CCND2: variants seen among roughly 807,000 people sequenced by gnomAD.
CCND2 encodes G1/S-specific cyclin-D2.
Under a neutral mutation model 30.2 loss-of-function variants are expected in CCND2, and 6 were observed. The ratio of observed to expected loss-of-function variants is 0.20; its 90% confidence interval spans 0.11 to 0.39. The LOEUF (loss-of-function observed/expected upper bound fraction) is 0.39. Ranked by LOEUF, CCND2 falls within the 10% of genes least tolerant of loss-of-function variation. CCND2 has a pLI of 1.00. For synonymous variants in CCND2, 150 were observed against 153.1 expected (o/e 0.98, Z 0.15); for missense variants, 235 against 373.4 (o/e 0.63, Z 3.06).
Position 4,276,870 on chromosome 12 carries a change from C to G in CCND2, c.411+650C>G, listed in dbSNP as rs189829405. Among the ~76,000 whole-genome samples the G allele has an allele frequency of 2.6e-5, 4 of 152,366 alleles. No individual in the cohort carries two copies. The highest frequency in any genetic ancestry group is 2.6e-4 in the Admixed American group (4 of 15,310). On this transcript the variant is annotated intron_variant, in intron 2 of 4. Transcript: ENST00000261254. This position sits in a 1 kb window ranked among gnomAD's most constrained non-coding sequence, Gnocchi z 4.8. ...CCAGGGAACCTTTTTCCCACCTGAT[C>G]TAACTCCTTTTCCCTGCAGCTTGAC...
At chr12:4,289,485 C>G in intron 4 of CCND2, among the ~76,000 whole-genome samples, 1 of 152,144 alleles carries the variant, frequency 6.6e-6, no homozygotes, top group East Asian at 1.9e-4. Context: ...CTCGACCCCT[C>G]CCCGCTCTCT....
In CCND2 at chr12:4,274,317, A is replaced by T; in HGVS notation, c.195+82A>T. Reference sequence around the variant, plus strand: ...CCGGCCGGAGCCCTAAACCTGGGAGAGGGCAATCCCCGCGCCGGCCTCCCG... The same window carrying T: ...CCGGCCGGAGCCCTAAACCTGGGAGTGGGCAATCCCCGCGCCGGCCTCCCG... On this transcript the variant is annotated intron_variant, in intron 1 of 4. Transcript: ENST00000261254. This position sits in a 1 kb window ranked among gnomAD's most constrained non-coding sequence, Gnocchi z 7.7. The T allele has an allele frequency of 1.4e-6, 2 of 1,456,162 alleles. No individual in the cohort carries two copies. The highest frequency in any genetic ancestry group is 9.4e-7 in the Non-Finnish European group (1 of 1,060,346). 90.2% of individuals were successfully genotyped at this position (1,456,162 alleles called of 1,614,324 possible).
rs370634757 is a variant in CCND2 at position 4,302,096 on chromosome 12, T to G, written c.*2087T>G. The G allele has an allele frequency of 4.3e-6, 1 of 233,148 alleles. No homozygotes were observed. The highest frequency in any genetic ancestry group is 8.5e-6 in the Non-Finnish European group (1 of 117,838). 14.4% of individuals were successfully genotyped at this position (233,148 alleles called of 1,614,324 possible). On this transcript the variant is annotated 3_prime_UTR_variant, in exon 5 of 5. Transcript: ENST00000261254. ...GTACAGTTTCTGCTTGGGAGCCCAT[T>G]CGCATGAGGAATACAGAAGCAGTGT...
chr12:4,275,752 G>A (rs1254235980), intron 1 of CCND2, among the ~76,000 whole-genome samples: 1 of 152,046 alleles, frequency 6.6e-6, no homozygotes, highest in Non-Finnish European at 1.5e-5. Context: ...CCGACTCCCC[G>A]TTTTGGAGCT....
intron 4 of CCND2, among the ~76,000 whole-genome samples, chr12:4,289,413 G>T (rs1864066600): frequency 6.6e-6 from 1 of 152,196 alleles, no homozygotes; most frequent in Non-Finnish European, 1.5e-5. Flanking sequence ...CAGCTGCAGT[G>T]GATGGAGCAG....
chr12:4,276,685 C>A lies in CCND2; in HGVS notation c.411+465C>A, dbSNP rs1863878653. On this transcript the variant is annotated intron_variant, in intron 2 of 4. Coordinates refer to ENST00000261254, the MANE Select transcript of CCND2 (RefSeq NM_001759.4). The surrounding 1 kb of genome is among the most constrained non-coding windows in gnomAD (Gnocchi z 4.8). ...CTATATCTACAAAGTCTCAAGATAC[C>A]AACACATAATAGCTGTTCACTAAAT... Among the ~76,000 whole-genome samples, 1 of 152,030 alleles carries A rather than the reference C, an allele frequency of 6.6e-6. No individual in the cohort carries two copies. The highest frequency in any genetic ancestry group is 6.5e-5 in the Admixed American group (1 of 15,278).
chr12:4,277,481 A>G (rs1456140823), intron 2 of CCND2, among the ~76,000 whole-genome samples: 1 of 152,272 alleles, frequency 6.6e-6, no homozygotes, highest in African/African-American at 2.4e-5. Context: ...TTTTCTCATG[A>G]GAGAGCAGGA....
chr12:4,300,036 G>A lies in CCND2; in HGVS notation c.*27G>A. 1 of 1,604,246 alleles carries A rather than the reference G, an allele frequency of 6.2e-7. No individual in the cohort carries two copies. Among genetic ancestry groups the A allele is most frequent in the Non-Finnish European group, 8.5e-7 (1 of 1,173,808 alleles). On this transcript the variant is annotated 3_prime_UTR_variant, in exon 5 of 5. Coordinates refer to ENST00000261254, the MANE Select transcript of CCND2 (RefSeq NM_001759.4). ...GATGCCAGTTGGGCCGAAAGAGAGA[G>A]ACGCGTCCATAATCTGGTCTCTTCT...
At position 4,287,833 on chromosome 12, in the gene CCND2, T is replaced by A. The variant is rs567595155; in HGVS notation, c.572-1009T>A. On this transcript the variant is annotated intron_variant, in intron 3 of 4. Transcript: ENST00000261254. The surrounding 1 kb of genome is among the most constrained non-coding windows in gnomAD (Gnocchi z 4.0). Reference sequence around the variant, plus strand: ...CTCGATGGACCAAGCAGCTGCTGGATCATGGCCACCCAGCCCCTCTGAAGG... The same window carrying A: ...CTCGATGGACCAAGCAGCTGCTGGAACATGGCCACCCAGCCCCTCTGAAGG... Among the ~76,000 whole-genome samples, 5 of 152,318 alleles carry A rather than the reference T, an allele frequency of 3.3e-5. No homozygotes were observed. In the East Asian group the frequency reaches 7.7e-4, roughly 23 times the overall value.
chr12:4,283,451 G>T (rs1427354989), intron 3 of CCND2, among the ~76,000 whole-genome samples: 1 of 152,188 alleles, frequency 6.6e-6, no homozygotes, highest in Admixed American at 6.5e-5. Flanking sequence ...GAAGAGCTCT[G>T]CATCCAGAGT....
In CCND2 at chr12:4,300,649, G is replaced by A. The variant is rs2120595468; in HGVS notation, c.*640G>A. Reference sequence around the variant, plus strand: ...CAGTAGCTGCTACCTAAAAAAAGATGTTTTATTTTGCCAGTTGGACACAGG... The same window carrying A: ...CAGTAGCTGCTACCTAAAAAAAGATATTTTATTTTGCCAGTTGGACACAGG... On this transcript the variant is annotated 3_prime_UTR_variant, in exon 5 of 5. Coordinates refer to ENST00000261254, the MANE Select transcript of CCND2 (RefSeq NM_001759.4). 1 of 233,734 alleles carries A rather than the reference G, an allele frequency of 4.3e-6. No individual in the cohort carries two copies. Among genetic ancestry groups the A allele is most frequent in the East Asian group, 6.0e-5 (1 of 16,582 alleles). The allele number at this position is 233,734 out of a possible 1,614,324, so 14.5% of individuals were successfully genotyped here.
Position 4,301,824 on chromosome 12 carries a change from C to G in CCND2, c.*1815C>G, listed in dbSNP as rs1864253952. On this transcript the variant is annotated 3_prime_UTR_variant, in exon 5 of 5. Transcript: ENST00000261254. ...AATATATTATTTTACTGCTTAAATT[C>G]CAAGTCCTGAAGTAGATGGTTGAGA... 4.4e-6 allele frequency: 1 copy of G among 226,724 alleles called. No individual in the cohort carries two copies. Among genetic ancestry groups the G allele is most frequent in the East Asian group, 6.3e-5 (1 of 15,908 alleles). The allele number at this position is 226,724 out of a possible 1,614,324, so 14.0% of individuals were successfully genotyped here. A position where few individuals can be genotyped will look rare whatever the true frequency, so the allele number is the denominator to read the frequency against.
rs3217883 is a variant in CCND2 at position 4,293,669 on chromosome 12, G to A, written c.720+4679G>A. Among the ~76,000 whole-genome samples, 1,021 of 152,326 alleles carry A rather than the reference G, an allele frequency of 6.7e-3. 15 individuals are homozygous for A. Among genetic ancestry groups the A allele is most frequent in the African/African-American group, 0.023 (958 of 41,568 alleles). On this transcript the variant is annotated intron_variant, in intron 4 of 4. Coordinates refer to ENST00000261254, the MANE Select transcript of CCND2 (RefSeq NM_001759.4). This position sits in a 1 kb window ranked among gnomAD's most constrained non-coding sequence, Gnocchi z 4.9. ...GTTATCAATGAGCTATTAAAAAGCA[G>A]GGAGGTGGAGGCGCCGTGGAAGAAG...
intron 3 of CCND2, among the ~76,000 whole-genome samples, chr12:4,279,805 T>C (rs1863924394): frequency 6.6e-6 from 1 of 151,288 alleles, no homozygotes; most frequent in Non-Finnish European, 1.5e-5. Flanking sequence ...AGTTCATGTT[T>C]TGACAATCAG....
In CCND2 at chr12:4,301,930, T is replaced by G. The variant is rs1864255921; in HGVS notation, c.*1921T>G. 1 of 231,284 alleles carries G rather than the reference T, an allele frequency of 4.3e-6. No individual in the cohort carries two copies. Among genetic ancestry groups the G allele is most frequent in the Non-Finnish European group, 8.6e-6 (1 of 116,930 alleles). The allele number at this position is 231,284 out of a possible 1,614,324, so 14.3% of individuals were successfully genotyped here. Reference sequence around the variant, plus strand: ...TATTCATGGTTGTTTTTTTTTTTCTTTTTTGGTTTTTTGGTTTTTTTTTTT... The same window carrying G: ...TATTCATGGTTGTTTTTTTTTTTCTGTTTTGGTTTTTTGGTTTTTTTTTTT... On this transcript the variant is annotated 3_prime_UTR_variant, in exon 5 of 5. Coordinates refer to ENST00000261254, the MANE Select transcript of CCND2 (RefSeq NM_001759.4).
intron 2 of CCND2, 136 bp from the exon 3 acceptor site, chr12:4,278,624 G>A: frequency 1.4e-6 from 1 of 690,886 alleles, no homozygotes. Context: ...TTGACAAATG[G>A]GCCCGCCTTA....
In CCND2 at chr12:4,293,778, G is replaced by T. The variant is rs1021620809; in HGVS notation, c.720+4788G>T. Among the ~76,000 whole-genome samples the T allele has an allele frequency of 6.6e-6, 1 of 152,142 alleles. No individual in the cohort carries two copies. ...CGTAGCTGGAAGTGCCGCCACCCTC[G>T]CCCCACATGTCATTTTCAAGCCTCC... On this transcript the variant is annotated intron_variant, in intron 4 of 4. Transcript: ENST00000261254. This position sits in a 1 kb window ranked among gnomAD's most constrained non-coding sequence, Gnocchi z 4.9.
In CCND2 at chr12:4,293,011, G is replaced by C. The variant is rs1233268777; in HGVS notation, c.720+4021G>C. Among the ~76,000 whole-genome samples the C allele has an allele frequency of 6.6e-6, 1 of 152,232 alleles. No individual in the cohort carries two copies. Among genetic ancestry groups the C allele is most frequent in the Non-Finnish European group, 1.5e-5 (1 of 68,040 alleles). ...AGAGCCCCTGGCAGAGTCATTGGGA[G>C]TGATGCTTAAGAGAGGAAGGGAAGA... On this transcript the variant is annotated intron_variant, in intron 4 of 4. Transcript: ENST00000261254. This position sits in a 1 kb window ranked among gnomAD's most constrained non-coding sequence, Gnocchi z 4.9.
chr12:4,293,122 CTG>C lies in CCND2; in HGVS notation c.720+4136_720+4137del, dbSNP rs2120573484. On this transcript the variant is annotated intron_variant, in intron 4 of 4. Coordinates refer to ENST00000261254, the MANE Select transcript of CCND2 (RefSeq NM_001759.4). The surrounding 1 kb of genome is among the most constrained non-coding windows in gnomAD (Gnocchi z 4.9). ...TGGTCTGTCCATGTCCTTTGAAAAG[CTG>C]TGTCTTTTCTTTAACTTCAATTCTG... Among the ~76,000 whole-genome samples, 1 of 152,306 alleles carries C rather than the reference CTG, an allele frequency of 6.6e-6. No homozygotes were observed. The highest frequency in any genetic ancestry group is 6.5e-5 in the Admixed American group (1 of 15,294).
Sources: gnomAD v4.1 joint callset for allele counts (sites outside exome capture counted in the v4.1 genomes callset) on GRCh38, gnomAD v4.1.1 for gene constraint, Gnocchi (gnomAD v3.1) non-coding constraint, MANE v1.5 for transcripts, NCBI Gene and HGNC (gene_info 2026-07-23, HGNC 2026-07-21) for gene names.